C1orf21: variants seen among roughly 807,000 people sequenced by gnomAD.
C1orf21 encodes chromosome 1 open reading frame 21.
Under a neutral mutation model 18.7 loss-of-function variants are expected in C1orf21, and 3 were observed. The observed-to-expected ratio is 0.16, with a 90% CI of 0.07 to 0.42. C1orf21 has a LOEUF of 0.42. Among genes scored for constraint, C1orf21 ranks in the 10% least tolerant of loss-of-function variants. C1orf21 has a pLI of 0.99. For missense variants in C1orf21, 104 were observed against 143.6 expected (o/e 0.72, Z 1.41); for synonymous variants, 41 against 46.4 (o/e 0.88, Z 0.47).
At chr1:184,446,853 T>G (rs1457901292) in intron 1 of C1orf21, among the ~76,000 whole-genome samples, 2 of 144,210 alleles carry the variant, frequency 1.4e-5, no homozygotes, top group Admixed American at 6.9e-5. Flanking sequence ...TTTTCGTGGT[T>G]TTTTTTTTTT....
At chr1:184,541,083 A>G (rs1362231950) in intron 3 of C1orf21, among the ~76,000 whole-genome samples, 1 of 152,154 alleles carries the variant, frequency 6.6e-6, no homozygotes, top group Non-Finnish European at 1.5e-5. Flanking sequence ...AGAAACCAAT[A>G]AATGTACTAA....
intron 1 of C1orf21, among the ~76,000 whole-genome samples, chr1:184,461,553 A>G (rs573509207): frequency 6.6e-6 from 1 of 152,262 alleles, no homozygotes; most frequent in South Asian, 2.1e-4. Context: ...TGGCTGCTGC[A>G]TTTCCTGTCT....
chr1:184,410,618 T>C (rs12129790), intron 1 of C1orf21, among the ~76,000 whole-genome samples: 8 of 4,888 alleles, frequency 1.6e-3, no homozygotes, highest in South Asian at 0.026. Flanking sequence ...CCATATATAT[T>C]ATATATATAT....
chr1:184,462,260 AG>A (rs1657317432), intron 1 of C1orf21, among the ~76,000 whole-genome samples: 1 of 152,232 alleles, frequency 6.6e-6, no homozygotes, highest in Non-Finnish European at 1.5e-5. Context: ...TAGTTGTTAG[AG>A]GGTTAAAGAT....
intron 1 of C1orf21, among the ~76,000 whole-genome samples, chr1:184,391,462 A>C (rs1045447983): frequency 3.3e-5 from 5 of 152,178 alleles, no homozygotes; most frequent in Non-Finnish European, 7.4e-5. Flanking sequence ...CAGCTAGCAC[A>C]CTACTTTGCA....
intron 3 of C1orf21, among the ~76,000 whole-genome samples, chr1:184,558,090 G>C (rs1390750775): frequency 6.6e-6 from 1 of 152,168 alleles, no homozygotes; most frequent in Non-Finnish European, 1.5e-5. Context: ...TAAGAGCAAA[G>C]GGTGGCTCTC....
intron 2 of C1orf21, among the ~76,000 whole-genome samples, chr1:184,483,897 TTG>T (rs149955842): frequency 3.0e-5 from 4 of 132,510 alleles, no homozygotes; most frequent in Non-Finnish European, 3.2e-5. Context: ...TTTGCTGCCT[TTG>T]TGTGTGTGTG....
chr1:184,544,759 A>G (rs1658705230), intron 3 of C1orf21, among the ~76,000 whole-genome samples: 1 of 152,178 alleles, frequency 6.6e-6, no homozygotes, highest in Admixed American at 6.5e-5. Flanking sequence ...TTTGTGGTTC[A>G]GGGTCTCTCA....
intron 1 of C1orf21, among the ~76,000 whole-genome samples, chr1:184,409,083 C>T (rs1437313737): frequency 6.6e-6 from 1 of 152,268 alleles, no homozygotes; most frequent in African/African-American, 2.4e-5. Flanking sequence ...TCCTATTCAG[C>T]ACTTTTTTGT....
chr1:184,473,538 C>G (rs1160005106), intron 1 of C1orf21, among the ~76,000 whole-genome samples: 1 of 152,064 alleles, frequency 6.6e-6, no homozygotes, highest in Non-Finnish European at 1.5e-5. Context: ...GCAGATGATT[C>G]TAGCGGTCTT....
At chr1:184,582,396 G>A (rs1350125591) in intron 3 of C1orf21, among the ~76,000 whole-genome samples, 1 of 152,212 alleles carries the variant, frequency 6.6e-6, no homozygotes, top group East Asian at 1.9e-4. Context: ...TTGTGCAAAT[G>A]TACACACACA....
intron 5 of C1orf21, among the ~76,000 whole-genome samples, chr1:184,617,243 A>G (rs1378339179): frequency 6.6e-6 from 1 of 152,126 alleles, no homozygotes; most frequent in Non-Finnish European, 1.5e-5. Context: ...GCTGTCAAAC[A>G]ACAGTGTATA....
chr1:184,410,288 T>C (rs534325333), intron 1 of C1orf21, among the ~76,000 whole-genome samples: 3 of 152,056 alleles, frequency 2.0e-5, no homozygotes, highest in Non-Finnish European at 4.4e-5. Flanking sequence ...AGATAAAGGA[T>C]GATTTTTCAG....
chr1:184,584,669 A>G (rs572649641), intron 3 of C1orf21, among the ~76,000 whole-genome samples: 14 of 152,232 alleles, frequency 9.2e-5, no homozygotes, highest in African/African-American at 3.1e-4. Flanking sequence ...CACAATATCA[A>G]TGTCCATCAA....
Position 184,619,971 on chromosome 1 carries a change from C to T in C1orf21, c.*415C>T, listed in dbSNP as rs753340574. 5.9e-6 allele frequency: 1 copy of T among 169,986 alleles called. No individual in the cohort carries two copies. The highest frequency in any genetic ancestry group is 1.8e-4 in the East Asian group (1 of 5,420). The allele number at this position is 169,986 out of a possible 1,614,324, so 10.5% of individuals were successfully genotyped here. On this transcript the variant is annotated 3_prime_UTR_variant, in exon 6 of 6. Coordinates refer to ENST00000235307, the MANE Select transcript of C1orf21 (RefSeq NM_030806.4). ...GGTTCTGCTTCTAAGACAAGCATCT[C>T]CTGCCCTCTCTCCTTCCTCCCCATC...
rs551935708 is a variant in C1orf21 at position 184,545,600 on chromosome 1, C to T, written c.189+37918C>T. Among the ~76,000 whole-genome samples the T allele has an allele frequency of 3.3e-5, 5 of 152,106 alleles. No homozygotes were observed. The South Asian group carries it at 6.2e-4, about 19-fold the overall frequency. On this transcript the variant is annotated intron_variant, in intron 3 of 5. Coordinates refer to ENST00000235307, the MANE Select transcript of C1orf21 (RefSeq NM_030806.4). The stretch of plus-strand genomic sequence containing the variant: ...TTATTTTCCAAGTCTCAGGGCTGTT[C>T]GGGCCATAACTACTCCTATGCTCGC...
At chr1:184,576,489 C>T (rs1659191375) in intron 3 of C1orf21, among the ~76,000 whole-genome samples, 1 of 152,208 alleles carries the variant, frequency 6.6e-6, no homozygotes, top group Non-Finnish European at 1.5e-5. Context: ...AACCTTCTAT[C>T]CTCTCACTGT....
At chr1:184,415,445 T>G (rs771256553) in intron 1 of C1orf21, among the ~76,000 whole-genome samples, 94 of 152,206 alleles carry the variant, frequency 6.2e-4, no homozygotes, top group Non-Finnish European at 1.2e-3. Context: ...AGGTCTGGGA[T>G]GGAGCCCTGA....
At chr1:184,537,366 C>T (rs1193005254) in intron 3 of C1orf21, among the ~76,000 whole-genome samples, 2 of 152,178 alleles carry the variant, frequency 1.3e-5, no homozygotes, top group African/African-American at 4.8e-5. Context: ...CTAAGTGCCT[C>T]ATATAAGTGG....
Sources: gnomAD v4.1 joint callset for allele counts (sites outside exome capture counted in the v4.1 genomes callset) on GRCh38, gnomAD v4.1.1 for gene constraint, MANE v1.5 for transcripts, NCBI Gene and HGNC (gene_info 2026-07-23, HGNC 2026-07-21) for gene names.